Variants in SERPINA12 observed in about 807,000 individuals in gnomAD.
SERPINA12 encodes the protein serpin family A member 12.
Under a neutral mutation model 25.9 loss-of-function variants are expected in SERPINA12, and 21 were observed. The observed-to-expected ratio is 0.81, with a 90% CI of 0.58 to 1.17. The LOEUF is 1.17. Ranked by LOEUF, SERPINA12 falls within the 50% of genes most tolerant of loss-of-function variation. The pLI, the probability that SERPINA12 is intolerant of heterozygous loss-of-function variation, is 0.00. For synonymous variants in SERPINA12, 220 were observed against 196.0 expected, an observed-to-expected ratio of 1.12 and a Z score of -1.02; for missense variants, 562 against 508.3, an observed-to-expected ratio of 1.11 and a Z score of -1.02.
At chr14:94,489,909 C>G (rs2139844780) in intron 3 of SERPINA12, 142 bp from the exon 4 acceptor site, 1 of 800,614 alleles carries the variant, frequency 1.2e-6, no homozygotes, top group East Asian at 2.6e-5. Flanking sequence ...TGAGGAGGGG[C>G]TCCTTAACCC....
upstream of SERPINA12, among the ~76,000 whole-genome samples, chr14:94,513,330 A>G (rs890351521): frequency 1.3e-5 from 2 of 152,232 alleles, no homozygotes; most frequent in African/African-American, 4.8e-5. Context: ...CAAAGATGCA[A>G]ATGGCTGATA....
intron 4 of SERPINA12, among the ~76,000 whole-genome samples, chr14:94,489,264 GAGAA>G (rs763338500): frequency 1.7e-4 from 26 of 151,976 alleles, no homozygotes; most frequent in African/African-American, 4.8e-4. Flanking sequence ...GAGAAAGAAA[GAGAA>G]AGAAAGAAAG....
chr14:94,505,128 G>A (rs973455295), intron 1 of SERPINA12, among the ~76,000 whole-genome samples: 1 of 152,194 alleles, frequency 6.6e-6, no homozygotes, highest in East Asian at 1.9e-4. Flanking sequence ...GTATCTGATC[G>A]AAACACCTCG....
chr14:94,496,694 GACTAAATCCA>G, intron 2 of SERPINA12, 51 bp from the exon 3 acceptor site: 1 of 1,527,706 alleles, frequency 6.5e-7, no homozygotes, highest in Non-Finnish European at 9.0e-7. Flanking sequence ...GAAAAAAGGT[GACTAAATCCA>G]ACTAACCAGT....
intron 3 of SERPINA12, among the ~76,000 whole-genome samples, chr14:94,494,868 G>A (rs931927758): frequency 6.6e-6 from 1 of 152,136 alleles, no homozygotes; most frequent in African/African-American, 2.4e-5. Flanking sequence ...GCTAAAGGTT[G>A]TAACCTGGAC....
upstream of SERPINA12, among the ~76,000 whole-genome samples, chr14:94,513,402 C>T (rs980204707): frequency 6.6e-6 from 1 of 152,144 alleles, no homozygotes; most frequent in African/African-American, 2.4e-5. Context: ...TGAAGCAGAG[C>T]GGGAGGACCT....
Position 94,498,282 on chromosome 14 carries a change from C to T in SERPINA12, c.116G>A (p.Trp39Ter). 1 of 1,614,188 alleles carries T rather than the reference C, an allele frequency of 6.2e-7. No homozygotes were observed. Residue 39 changes from tryptophan (W) to a stop codon, truncating the protein, a stop_gained, in exon 2 of 5, where the codon TGG becomes TAG. Transcript: ENST00000677451. LOFTEE classifies it high-confidence loss of function. ...NYKALSEVQG[W>*]KQRMAAKELA... ...CTCCTTGGCTGCCATCCTTTGCTTC[C>T]ATCCTTGGACCTCGCTCAAAGCTTT...
upstream of SERPINA12, chr14:94,509,974 G>A (rs370398407): frequency 2.7e-5 from 27 of 985,324 alleles, no homozygotes; most frequent in East Asian, 1.6e-3. Flanking sequence ...ATGTTCACAT[G>A]GCCCTCTCTC....
chr14:94,515,498 C>T (rs1415685003), intron 2 of SERPINA12, among the ~76,000 whole-genome samples: 5 of 152,178 alleles, frequency 3.3e-5, no homozygotes, highest in African/African-American at 1.2e-4. Flanking sequence ...GAGGCCTGCC[C>T]TACAGAGCCT....
At chr14:94,500,562 A>C (rs534250051) in intron 1 of SERPINA12, among the ~76,000 whole-genome samples, 23 of 152,190 alleles carry the variant, frequency 1.5e-4, no homozygotes, top group African/African-American at 5.3e-4. Flanking sequence ...CATGTGGCTT[A>C]AGGGGTGCAA....
At chr14:94,505,710 C>T (rs1900906522) in intron 1 of SERPINA12, among the ~76,000 whole-genome samples, 2 of 152,206 alleles carry the variant, frequency 1.3e-5, no homozygotes, top group African/African-American at 2.4e-5. Context: ...AGGGCCATGC[C>T]TCCCTGCCTG....
intron 1 of SERPINA12, among the ~76,000 whole-genome samples, chr14:94,508,365 A>C (rs1259158405): frequency 7.1e-6 from 1 of 140,218 alleles, no homozygotes; most frequent in Non-Finnish European, 1.5e-5. Context: ...AAATCTAAAC[A>C]AGTAAGAAAT....
intron 4 of SERPINA12, 42 bp downstream of exon 4, chr14:94,489,578 C>G (rs1900064560): frequency 1.2e-6 from 2 of 1,603,318 alleles, no homozygotes. Context: ...GGGGGAAGGC[C>G]CCTGTGCTGC....
chr14:94,489,116 A>AAAGG (rs376154670), intron 4 of SERPINA12, among the ~76,000 whole-genome samples: 3 of 151,240 alleles, frequency 2.0e-5, no homozygotes, highest in African/African-American at 4.9e-5. Context: ...TAAAAGAAAG[A>AAAGG]AAGGAAGGAA....
chr14:94,501,410 A>T (rs1038040205), intron 1 of SERPINA12, among the ~76,000 whole-genome samples: 4 of 152,198 alleles, frequency 2.6e-5, no homozygotes, highest in African/African-American at 9.7e-5. Flanking sequence ...ACTCTGTGGC[A>T]CGCACAGCTT....
rs117557017 is a variant in SERPINA12 at position 94,500,806 on chromosome 14, G to C, written c.-33-2376C>G. On this transcript the variant is annotated intron_variant, in intron 1 of 4. Coordinates refer to ENST00000677451, the MANE Select transcript of SERPINA12 (RefSeq NM_001382267.1). ...GAACCCAGAGCCCACCTTGCCTCTG[G>C]ACCCCCAGTGACGTTGAGTTACATG... 5.8e-3 allele frequency: 5,633 copies of C among 976,578 alleles called. 21 individuals are homozygous for C. Among genetic ancestry groups the C allele is most frequent in the Non-Finnish European group, 6.6e-3 (5,389 of 821,952 alleles). 60.5% of individuals were successfully genotyped at this position (976,578 alleles called of 1,614,324 possible).
At chr14:94,495,154 C>T (rs1284675157) in intron 3 of SERPINA12, among the ~76,000 whole-genome samples, 3 of 146,362 alleles carry the variant, frequency 2.0e-5, no homozygotes, top group South Asian at 2.3e-4. Context: ...CTGCAAGCTC[C>T]GCCTCCCGGG....
At chr14:94,504,532 T>C (rs145350641) in intron 1 of SERPINA12, among the ~76,000 whole-genome samples, 2 of 152,338 alleles carry the variant, frequency 1.3e-5, no homozygotes, top group East Asian at 3.9e-4. Context: ...CTTCTTGGGG[T>C]CATTCCCATG....
intron 2 of SERPINA12, among the ~76,000 whole-genome samples, chr14:94,515,221 T>C (rs75438446): frequency 0.041 from 6,175 of 152,132 alleles, 424 homozygotes; most frequent in African/African-American, 0.14. Flanking sequence ...TGACAAGCCA[T>C]AGACTGAAAG....
Sources: allele counts gnomAD v4.1 joint callset (sites outside exome capture counted in the v4.1 genomes callset), GRCh38; gene constraint gnomAD v4.1.1; transcripts MANE v1.5; gene names NCBI Gene and HGNC (gene_info 2026-07-23, HGNC 2026-07-21).